Variants in BUD23 observed in about 807,000 individuals in gnomAD.
BUD23 encodes 18S rRNA (guanine-N(7))-methyltransferase.
Under a neutral mutation model 47.0 loss-of-function variants are expected in BUD23, and 34 were observed. The ratio of observed to expected loss-of-function variants is 0.72; its 90% confidence interval spans 0.55 to 0.96. The LOEUF is 0.96. BUD23 is among the 40% of genes least tolerant of loss of function. The pLI, the probability that BUD23 is intolerant of heterozygous loss-of-function variation, is 0.00. For synonymous variants in BUD23, 124 were observed against 132.0 expected (o/e 0.94, Z 0.41); for missense variants, 343 against 361.2 (o/e 0.95, Z 0.41).
At position 73,690,945 on chromosome 7, in the gene BUD23, CTA is replaced by C. The variant is rs1798170038; in HGVS notation, c.393_394del (p.Asn132GlnfsTer4). 1 of 1,614,062 alleles carries C rather than the reference CTA, an allele frequency of 6.2e-7. No homozygotes were observed. Among genetic ancestry groups the C allele is most frequent in the Non-Finnish European group, 8.5e-7 (1 of 1,180,036 alleles). On this transcript the variant is annotated frameshift_variant, in exon 6 of 12. Transcript: ENST00000265758. LOFTEE classifies it high-confidence loss of function. Reference sequence around the variant, plus strand: ...TCTGCTGTGCAGTGGCTCTGTAATGCTAACAAGAAGTCTGAAAACCCTGCCAA... The same window carrying C: ...TCTGCTGTGCAGTGGCTCTGTAATGCACAAGAAGTCTGAAAACCCTGCCAA...
rs1554613181 is a variant in BUD23, at chr7:73,687,107, T to C, written c.362+12T>C. On this transcript the variant is annotated intron_variant, in intron 5 of 11. Coordinates refer to ENST00000265758, the MANE Select transcript of BUD23 (RefSeq NM_017528.5). Reference sequence around the variant, plus strand: ...GATGGTTGCATCAGGTGAGGGTCTTTAATTCCTGCTTTTATTTATTTAGAG... The same window carrying C: ...GATGGTTGCATCAGGTGAGGGTCTTCAATTCCTGCTTTTATTTATTTAGAG... 6.2e-7 allele frequency: 1 copy of C among 1,612,498 alleles called. No individual in the cohort carries two copies. Among genetic ancestry groups the C allele is most frequent in the Non-Finnish European group, 8.5e-7 (1 of 1,179,722 alleles).
intron 10 of BUD23, chr7:73,697,351 T>G: frequency 7.8e-7 from 1 of 1,289,994 alleles, no homozygotes; most frequent in Non-Finnish European, 1.1e-6. Flanking sequence ...CTCGCTGGTG[T>G]TTAGGTCTCC....
At chr7:73,683,743 C>T (rs782546039) in intron 1 of BUD23, 24 bp from the exon 2 acceptor site, 1 of 1,614,236 alleles carries the variant, frequency 6.2e-7, no homozygotes, top group Non-Finnish European at 8.5e-7. Flanking sequence ...TATTCCTCTA[C>T]ATGCCATTTT....
intron 2 of BUD23, among the ~76,000 whole-genome samples, chr7:73,684,984 C>G (rs1341095139): frequency 1.5e-5 from 2 of 137,514 alleles, no homozygotes; most frequent in African/African-American, 2.7e-5. Context: ...TTTCCGTGCT[C>G]TCTCACTGAG....
intron 10 of BUD23, chr7:73,697,020 C>T: frequency 4.5e-6 from 1 of 223,722 alleles, no homozygotes; most frequent in Non-Finnish European, 9.0e-6. Flanking sequence ...TCTGCAGCTG[C>T]TCCTGCTTTG....
Position 73,683,603 on chromosome 7 carries a change from A to G in BUD23, c.-23A>G, listed in dbSNP as rs781808198. The G allele has an allele frequency of 3.1e-6, 5 of 1,598,556 alleles. No homozygotes were observed. The highest frequency in any genetic ancestry group is 1.7e-5 in the Admixed American group (1 of 57,208). ...CCGGGTGCCGGCAGGCGCCAGTCGC[A>G]GGTGTGCTGCTGAGGCGTGAGAATG... On this transcript the variant is annotated 5_prime_UTR_variant, in exon 1 of 12. Transcript: ENST00000265758.
rs80181591 is a variant in BUD23 at position 73,687,264 on chromosome 7, A to G, written c.362+169A>G. Among the ~76,000 whole-genome samples the G allele has an allele frequency of 1.2e-3, 179 of 152,158 alleles. 1 individual carries two copies. The East Asian group carries it at 0.028, about 24-fold the overall frequency. ...TGAGTAGCTGGGACTACAGGCCCAC[A>G]CCACCGTACCTAGCTAATTTTTTGT... On this transcript the variant is annotated intron_variant, in intron 5 of 11. Coordinates refer to ENST00000265758, the MANE Select transcript of BUD23 (RefSeq NM_017528.5).
chr7:73,688,602 C>T (rs1798070588), intron 5 of BUD23, among the ~76,000 whole-genome samples: 8 of 152,194 alleles, frequency 5.3e-5, no homozygotes, highest in Admixed American at 5.2e-4. Flanking sequence ...AGTCCTTTCT[C>T]TGTAATCAGA....
chr7:73,696,242 G>A (rs998278944), intron 10 of BUD23: 2 of 152,210 alleles, frequency 1.3e-5, no homozygotes, highest in Admixed American at 1.3e-4. Context: ...GACCCCTTGG[G>A]TCTTTGCTCA....
intron 8 of BUD23, 87 bp downstream of exon 8, chr7:73,693,501 AGTGCTGGGGT>A: frequency 6.3e-7 from 1 of 1,586,862 alleles, no homozygotes; most frequent in South Asian, 1.1e-5. Flanking sequence ...GGTGCAGAGG[AGTGCTGGGGT>A]GTGGGTCACC....
At chr7:73,696,628 C>T (rs571293799) in intron 10 of BUD23, 55 of 152,354 alleles carry the variant, frequency 3.6e-4, no homozygotes, top group African/African-American at 1.3e-3. Context: ...CAGGGAGGAG[C>T]TTCTCCCGTT....
chr7:73,690,293 A>G (rs1213715581), intron 5 of BUD23, among the ~76,000 whole-genome samples: 2 of 152,132 alleles, frequency 1.3e-5, no homozygotes, highest in Admixed American at 1.3e-4. Context: ...GTATGAGCCA[A>G]TGCACCTGGC....
Position 73,686,695 on chromosome 7 carries a change from T to G in BUD23, c.146T>G (p.Leu49Arg). The G allele has an allele frequency of 6.2e-7, 1 of 1,614,178 alleles. No homozygotes were observed. The highest frequency in any genetic ancestry group is 8.5e-7 in the Non-Finnish European group (1 of 1,180,030). The change falls in exon 3 of 12, where the codon CTG (leucine) becomes CGG (arginine). Residue 49 changes from leucine to arginine, a missense_variant. Transcript: ENST00000265758. ...GGGCGAGCATTGGAGCTTCTTTATC[T>G]GCCAGAGAATAAGCCCTGTTACCTG... ...MAGRALELLY[L>R]PENKPCYLLD...
chr7:73,697,477 C>T lies in BUD23; in HGVS notation c.702-128C>T, dbSNP rs1360314243. On this transcript the variant is annotated intron_variant, in intron 10 of 11. Transcript: ENST00000265758. ...GAATTGTGTTATAGGGAAGGTGGAG[C>T]ATTTGAGAGAAGGGGCATCCGAGGC... 3 of 1,554,098 alleles carry T rather than the reference C, an allele frequency of 1.9e-6. No individual in the cohort carries two copies. The African/African-American group carries it at 4.1e-5, about 21-fold the overall frequency.
Position 73,697,881 on chromosome 7 carries a change from T to G in BUD23, c.841T>G (p.Phe281Val). The G allele has an allele frequency of 6.2e-7, 1 of 1,613,750 alleles. No individual in the cohort carries two copies. The highest frequency in any genetic ancestry group is 8.5e-7 in the Non-Finnish European group (1 of 1,179,962). ...CACCGGCCGCAAGCGCAAGCCCCGC[T>G]TCTAAGTCACCACGCGGTTCTGGAA... ...QYTGRKRKPR[F>V] The change falls in exon 12 of 12, where the codon TTC (phenylalanine) becomes GTC (valine). Residue 281 changes from phenylalanine to valine, a missense_variant. Transcript: ENST00000265758.
intron 10 of BUD23, 139 bp from the exon 11 acceptor site, chr7:73,697,466 G>A: frequency 1.3e-6 from 2 of 1,546,468 alleles, no homozygotes; most frequent in East Asian, 2.4e-5. Flanking sequence ...TGTGTTATAG[G>A]GAAGGTGGAG....
chr7:73,693,761 G>A, intron 9 of BUD23, 92 bp downstream of exon 9: 2 of 1,540,462 alleles, frequency 1.3e-6, no homozygotes, highest in Non-Finnish European at 1.8e-6. Flanking sequence ...GAACACTGGT[G>A]GGGAAGCAGG....
chr7:73,683,905 C>T, intron 2 of BUD23, 101 bp downstream of exon 2: 1 of 1,607,306 alleles, frequency 6.2e-7, no homozygotes. Context: ...TTTGGGGGTG[C>T]GGGAAGGGAA....
At chr7:73,688,667 T>C (rs1289120773) in intron 5 of BUD23, among the ~76,000 whole-genome samples, 2 of 152,220 alleles carry the variant, frequency 1.3e-5, no homozygotes, top group African/African-American at 4.8e-5. Flanking sequence ...ATGTTAAAAT[T>C]GATTAAGTTT....
Sources: allele counts gnomAD v4.1 joint callset (sites outside exome capture counted in the v4.1 genomes callset), GRCh38; gene constraint gnomAD v4.1.1; transcripts MANE v1.5; gene names NCBI Gene and HGNC (gene_info 2026-07-23, HGNC 2026-07-21).